PKP4: variants seen among roughly 807,000 people sequenced by gnomAD.
PKP4 encodes the protein plakophilin 4.
PKP4 carries 90 observed loss-of-function variants against 145.1 expected under a neutral mutation model. The observed-to-expected ratio is 0.62, with a 90% CI of 0.52 to 0.74. The LOEUF (loss-of-function observed/expected upper bound fraction) is 0.74. Among genes scored for constraint, PKP4 ranks in the 30% least tolerant of loss-of-function variants. The probability of loss-of-function intolerance (pLI) is 0.00; values close to 1 mark genes in which losing one functional copy is unlikely to be tolerated. For synonymous variants in PKP4, 563 were observed against 577.2 expected (o/e 0.98, Z 0.35); for missense variants, 1,340 against 1,482.7 (o/e 0.90, Z 1.58).
intron 1 of PKP4, among the ~76,000 whole-genome samples, chr2:158,470,951 A>C (rs895703663): frequency 1.3e-5 from 2 of 152,084 alleles, no homozygotes; most frequent in East Asian, 3.9e-4. Flanking sequence ...ACTGGTGAAA[A>C]CCATTGAGAA....
At chr2:158,669,947 C>T (rs1237305704) in intron 17 of PKP4, 32 bp downstream of exon 17, 2 of 1,543,724 alleles carry the variant, frequency 1.3e-6, no homozygotes, top group East Asian at 2.3e-5. Flanking sequence ...GCAAGCAGTG[C>T]TCTTATTCCT....
chr2:158,547,454 G>A (rs2045173958), intron 2 of PKP4, among the ~76,000 whole-genome samples: 1 of 152,162 alleles, frequency 6.6e-6, no homozygotes, highest in South Asian at 2.1e-4. Context: ...TTTAGAGCAG[G>A]CAGAATTAAT....
At chr2:158,603,224 C>A in intron 4 of PKP4, 120 bp downstream of exon 4, 1 of 519,558 alleles carries the variant, frequency 1.9e-6, no homozygotes, top group African/African-American at 2.0e-5. Flanking sequence ...GACAATATTG[C>A]GCTACATTGC....
At chr2:158,523,358 C>CA in intron 1 of PKP4, among the ~76,000 whole-genome samples, 1 of 67,334 alleles carries the variant, frequency 1.5e-5, no homozygotes, top group Non-Finnish European at 3.0e-5. Context: ...GAGGCACCCC[C>CA]CCAGCAGGGG....
At chr2:158,615,661 T>C (rs185016162) in intron 4 of PKP4, among the ~76,000 whole-genome samples, 30 of 152,320 alleles carry the variant, frequency 2.0e-4, no homozygotes, top group African/African-American at 7.0e-4. Context: ...TCTCTTTTAG[T>C]TTAGTCATTG....
chr2:158,511,668 A>C (rs1275612302), intron 1 of PKP4, among the ~76,000 whole-genome samples: 1 of 152,178 alleles, frequency 6.6e-6, no homozygotes, highest in Non-Finnish European at 1.5e-5. Context: ...TCAGAGAGAG[A>C]AAGGGAGAGC....
intron 1 of PKP4, among the ~76,000 whole-genome samples, chr2:158,466,367 G>C (rs904669631): frequency 6.6e-6 from 1 of 152,086 alleles, no homozygotes; most frequent in African/African-American, 2.4e-5. Context: ...AATACAACTT[G>C]CTAGATAAAT....
At chr2:158,471,675 A>C (rs185803528) in intron 1 of PKP4, among the ~76,000 whole-genome samples, 93 of 152,330 alleles carry the variant, frequency 6.1e-4, no homozygotes, top group East Asian at 4.8e-3. Context: ...GCCTGTTTTA[A>C]TATTTCTCCA....
chr2:158,666,734 C>T, intron 16 of PKP4, 171 bp downstream of exon 16: 1 of 523,332 alleles, frequency 1.9e-6, no homozygotes, highest in South Asian at 3.6e-5. Context: ...TCTTTTTCAG[C>T]AGGAGGCAAG....
chr2:158,646,998 G>C (rs2054894100), intron 11 of PKP4, among the ~76,000 whole-genome samples: 1 of 152,130 alleles, frequency 6.6e-6, no homozygotes, highest in African/African-American at 2.4e-5. Flanking sequence ...TTCCACCCTA[G>C]ATCCAGCCAC....
intron 1 of PKP4, among the ~76,000 whole-genome samples, chr2:158,497,818 A>G (rs1695960975): frequency 6.6e-6 from 1 of 152,240 alleles, no homozygotes; most frequent in African/African-American, 2.4e-5. Context: ...TCAGAGATGA[A>G]GGTAGAGGCC....
chr2:158,564,072 A>G (rs2046768885), intron 2 of PKP4, among the ~76,000 whole-genome samples: 1 of 152,090 alleles, frequency 6.6e-6, no homozygotes, highest in Non-Finnish European at 1.5e-5. Context: ...TTGTGTTGTA[A>G]CAAGTGATAC....
intron 1 of PKP4, among the ~76,000 whole-genome samples, chr2:158,514,350 C>G (rs1014010389): frequency 6.6e-6 from 1 of 152,206 alleles, no homozygotes; most frequent in Non-Finnish European, 1.5e-5. Context: ...CATCTGTGAT[C>G]AACAGAACTC....
chr2:158,663,055 G>T lies in PKP4; in HGVS notation c.2370G>T (p.Lys790Asn). Residue 790 changes from lysine to asparagine, a missense_variant, in exon 14 of 22, where the codon AAG becomes AAT. By Grantham distance (94) the Lys-to-Asn change is moderately conservative. Transcript: ENST00000389759. ...AGCCAAGTTGCTGGGGGAAGAAGAA[G>T]AAAAAGAAAAAGAGGACTCCGCAAG... ...DSEPSCWGKKKKKKKRTPQED... is the reference protein window; with the variant it reads ...DSEPSCWGKKNKKKKRTPQED... 4 of 1,608,574 alleles carry T rather than the reference G, an allele frequency of 2.5e-6. No individual in the cohort carries two copies. Among genetic ancestry groups the T allele is most frequent in the Non-Finnish European group, 3.4e-6 (4 of 1,178,622 alleles).
At chr2:158,653,685 CTAGTT>C (rs2055619436) in intron 11 of PKP4, among the ~76,000 whole-genome samples, 1 of 152,184 alleles carries the variant, frequency 6.6e-6, no homozygotes, top group Non-Finnish European at 1.5e-5. Context: ...CAACCAAATT[CTAGTT>C]TATTTTTAAC....
intron 1 of PKP4, among the ~76,000 whole-genome samples, chr2:158,480,742 C>G (rs942876452): frequency 2.6e-5 from 4 of 152,114 alleles, no homozygotes; most frequent in Non-Finnish European, 5.9e-5. Flanking sequence ...TAAATTCACT[C>G]CTATAAAGGA....
At chr2:158,596,195 CAT>C (rs1316680682) in intron 3 of PKP4, among the ~76,000 whole-genome samples, 1 of 151,818 alleles carries the variant, frequency 6.6e-6, no homozygotes, top group African/African-American at 2.4e-5. Context: ...AAAGGTGAAA[CAT>C]ATGTTATAAA....
In PKP4 at chr2:158,625,213, G is replaced by A. The variant is rs138285022; in HGVS notation, c.939G>A (p.Gly313=). The A allele has an allele frequency of 1.9e-6, 3 of 1,614,012 alleles. No homozygotes were observed. Among genetic ancestry groups the A allele is most frequent in the Middle Eastern group, 1.6e-4 (1 of 6,084 alleles). ...TPQYQTTARV[G]SPLTLTDAQT... ...AATACCAAACCACCGCCAGAGTGGG[G>A]TCCCCACTGACCCTGACGGATGCAC... The change falls in exon 7 of 22, where the codon GGG becomes GGA. Residue 313 remains glycine, a synonymous_variant. Coordinates refer to ENST00000389759, the MANE Select transcript of PKP4 (RefSeq NM_003628.6).
chr2:158,663,818 G>C (rs2056835615), intron 15 of PKP4, among the ~76,000 whole-genome samples: 1 of 152,316 alleles, frequency 6.6e-6, no homozygotes, highest in Non-Finnish European at 1.5e-5. Flanking sequence ...TTCCTGAAGG[G>C]GATGCTGCCC....
Sources: allele counts gnomAD v4.1 joint callset (sites outside exome capture counted in the v4.1 genomes callset), GRCh38; gene constraint gnomAD v4.1.1; transcripts MANE v1.5; gene names NCBI Gene and HGNC (gene_info 2026-07-23, HGNC 2026-07-21).